The following CNTN5 variants were observed in gnomAD, a reference collection of about 807,000 sequenced individuals.
The protein encoded by CNTN5 is contactin-5.
CNTN5 carries 77 observed loss-of-function variants against 129.1 expected under a neutral mutation model. The observed-to-expected ratio is 0.60, with a 90% confidence interval of 0.50 to 0.72. The LOEUF (loss-of-function observed/expected upper bound fraction) is 0.72. Among genes scored for constraint, CNTN5 ranks in the 30% least tolerant of loss-of-function variants. CNTN5 has a pLI of 0.00. For synonymous variants in CNTN5, 509 were observed against 465.6 expected (o/e 1.09, Z -1.20); for missense variants, 1,478 against 1,328.8 (o/e 1.11, Z -1.75).
At chr11:99,299,364 A>C (rs1357177373) in intron 1 of CNTN5, among the ~76,000 whole-genome samples, 1 of 152,192 alleles carries the variant, frequency 6.6e-6, no homozygotes, top group African/African-American at 2.4e-5. Context: ...TATAAAAAGG[A>C]ACCAAATAAA....
At chr11:100,002,183 G>A (rs150306859) in intron 9 of CNTN5, 47 bp downstream of exon 9, 11 of 1,210,770 alleles carry the variant, frequency 9.1e-6, no homozygotes, top group African/African-American at 1.6e-5. Context: ...TTATTAAAAT[G>A]TGACATATCT....
intron 1 of CNTN5, among the ~76,000 whole-genome samples, chr11:99,102,301 T>A (rs762776763): frequency 1.3e-5 from 2 of 152,160 alleles, no homozygotes; most frequent in Non-Finnish European, 2.9e-5. Context: ...CCTGGAGACA[T>A]TTTCCCCATT....
chr11:100,174,418 ATC>A (rs1947904353), intron 13 of CNTN5, among the ~76,000 whole-genome samples: 2 of 152,110 alleles, frequency 1.3e-5, no homozygotes, highest in African/African-American at 4.8e-5. Flanking sequence ...CCTTGTTTTC[ATC>A]ACAGAGTCCC....
At chr11:100,014,512 C>T (rs931009661) in intron 9 of CNTN5, among the ~76,000 whole-genome samples, 1 of 151,914 alleles carries the variant, frequency 6.6e-6, no homozygotes, top group Non-Finnish European at 1.5e-5. Context: ...ACCTGGGAGG[C>T]GGAGGTTGCA....
chr11:99,975,199 T>G (rs1321792330), intron 8 of CNTN5, among the ~76,000 whole-genome samples: 1 of 152,166 alleles, frequency 6.6e-6, no homozygotes, highest in Admixed American at 6.5e-5. Flanking sequence ...TAAGAACAGT[T>G]TTGGCGCTTT....
At chr11:99,856,542 G>A (rs1948040455) in intron 6 of CNTN5, among the ~76,000 whole-genome samples, 2 of 152,166 alleles carry the variant, frequency 1.3e-5, no homozygotes, top group Admixed American at 1.3e-4. Flanking sequence ...CCAGAGAGAT[G>A]TTCTGCTCAT....
intron 8 of CNTN5, among the ~76,000 whole-genome samples, chr11:99,993,810 A>T (rs1344144400): frequency 6.6e-6 from 1 of 152,176 alleles, no homozygotes; most frequent in African/African-American, 2.4e-5. Flanking sequence ...AGCAAAACGT[A>T]ACCACTGAAT....
chr11:100,238,060 G>A lies in CNTN5; in HGVS notation c.2005+13248G>A, dbSNP rs556546767. 2.0e-5 allele frequency among the ~76,000 whole-genome samples: 3 copies of A among 152,254 alleles called. No individual in the cohort carries two copies. The South Asian group carries it at 6.2e-4, about 32-fold the overall frequency. On this transcript the variant is annotated intron_variant, in intron 16 of 24. Transcript: ENST00000524871. ...AAAGGGTAATTCTCAGGTTATTTAT[G>A]GGAGTGGAAAAGTAAAGGTGCATAA...
chr11:99,338,167 C>T (rs540744893), intron 2 of CNTN5, among the ~76,000 whole-genome samples: 1 of 152,088 alleles, frequency 6.6e-6, no homozygotes, highest in Non-Finnish European at 1.5e-5. Flanking sequence ...TTTAAATATG[C>T]AACACAATGA....
Position 99,932,629 on chromosome 11 carries a change from T to C in CNTN5, c.673+16480T>C, listed in dbSNP as rs139531333. On this transcript the variant is annotated intron_variant, in intron 7 of 24. Coordinates refer to ENST00000524871, the MANE Select transcript of CNTN5 (RefSeq NM_014361.4). Reference sequence around the variant, plus strand: ...GACTTTGGGGAAGAAATATAACATGTTCTTACCATAATTCCTCATTTTCAA... The same window carrying C: ...GACTTTGGGGAAGAAATATAACATGCTCTTACCATAATTCCTCATTTTCAA... Among the ~76,000 whole-genome samples the C allele has an allele frequency of 1.3e-3, 200 of 152,298 alleles. 1 individual carries two copies. The highest frequency in any genetic ancestry group is 4.7e-3 in the African/African-American group (197 of 41,570).
At chr11:99,147,607 A>G (rs1859851376) in intron 1 of CNTN5, among the ~76,000 whole-genome samples, 1 of 152,204 alleles carries the variant, frequency 6.6e-6, no homozygotes, top group African/African-American at 2.4e-5. Context: ...AGAGCAGCTT[A>G]CAACAGATTA....
At chr11:99,725,770 C>A (rs76035543) in intron 3 of CNTN5, among the ~76,000 whole-genome samples, 2,119 of 152,180 alleles carry the variant, frequency 0.014, 48 homozygotes, top group African/African-American at 0.046. Flanking sequence ...ATTAGTTGTG[C>A]CCTGCTCTTC....
chr11:99,611,286 G>A (rs1289213915), intron 3 of CNTN5, among the ~76,000 whole-genome samples: 3 of 152,126 alleles, frequency 2.0e-5, no homozygotes, highest in Admixed American at 2.0e-4. Flanking sequence ...TTTCAATAGT[G>A]TAGTCAGTAA....
At chr11:99,143,269 A>T (rs895043614) in intron 1 of CNTN5, among the ~76,000 whole-genome samples, 9 of 149,256 alleles carry the variant, frequency 6.0e-5, no homozygotes, top group Non-Finnish European at 1.0e-4. Context: ...AATGTAATTT[A>T]AAAATATATA....
intron 1 of CNTN5, among the ~76,000 whole-genome samples, chr11:99,181,746 G>A (rs1858082396): frequency 1.3e-5 from 2 of 152,094 alleles, no homozygotes; most frequent in South Asian, 2.1e-4. Flanking sequence ...AGCCTTAGGG[G>A]CAGGATCTGA....
In CNTN5 at chr11:99,923,757, G is replaced by GTCTATCTATCTATCTATCTA. The variant is rs11271049; in HGVS notation, c.673+7640_673+7659dup. On this transcript the variant is annotated intron_variant, in intron 7 of 24. Transcript: ENST00000524871. ...ATCTGTCTATCTAATCTATCTGTCTGTCTATCTATCTATCTATCTATCTAT... is the reference window on the plus strand; with the variant it reads ...ATCTGTCTATCTAATCTATCTGTCTGTCTATCTATCTATCTATCTATCTATCTATCTATCTATCTATCTAT... Among the ~76,000 whole-genome samples the GTCTATCTATCTATCTATCTA allele has an allele frequency of 4.3e-3, 604 of 140,684 alleles. 1 individual carries two copies. Among genetic ancestry groups the GTCTATCTATCTATCTATCTA allele is most frequent in the African/African-American group, 9.3e-3 (343 of 36,758 alleles). The allele number at this position is 140,684 out of a possible 152,430, so 92.3% of individuals were successfully genotyped here. A position where few individuals can be genotyped will look rare whatever the true frequency, so the allele number is the denominator to read the frequency against.
At chr11:99,028,066 TC>T (rs1262654531) in intron 1 of CNTN5, among the ~76,000 whole-genome samples, 1 of 151,824 alleles carries the variant, frequency 6.6e-6, no homozygotes, top group Non-Finnish European at 1.5e-5. Flanking sequence ...TTATTTATTT[TC>T]CTAAAACTTA....
intron 1 of CNTN5, among the ~76,000 whole-genome samples, chr11:99,254,522 G>A (rs1209848662): frequency 6.6e-6 from 1 of 151,792 alleles, no homozygotes; most frequent in Non-Finnish European, 1.5e-5. Flanking sequence ...CTATTGCTTT[G>A]GCTAATTTTA....
At chr11:99,730,985 C>T (rs920363007) in intron 3 of CNTN5, among the ~76,000 whole-genome samples, 3 of 152,282 alleles carry the variant, frequency 2.0e-5, no homozygotes, top group East Asian at 1.9e-4. Context: ...TATAGTTGTA[C>T]TCTCTACCTC....
Sources: allele counts gnomAD v4.1 joint callset (sites outside exome capture counted in the v4.1 genomes callset), GRCh38; gene constraint gnomAD v4.1.1; transcripts MANE v1.5; gene names NCBI Gene and HGNC (gene_info 2026-07-23, HGNC 2026-07-21).